The following COL19A1 variants were observed in gnomAD, a reference collection of about 807,000 sequenced individuals.
COL19A1 encodes collagen type XIX alpha 1 chain.
In COL19A1, 159 loss-of-function variants were observed where a neutral mutation model predicts 190.2. The ratio of observed to expected loss-of-function variants is 0.84; its 90% CI spans 0.73 to 0.95. The LOEUF (loss-of-function observed/expected upper bound fraction) is 0.95, where lower values mean the gene tolerates loss of function less well. COL19A1 is among the 40% of genes least tolerant of loss of function. The pLI is 0.00. For synonymous variants in COL19A1, 509 were observed against 458.9 expected, an observed-to-expected ratio of 1.11 and a Z score of -1.39; for missense variants, 1,418 against 1,431.9, an observed-to-expected ratio of 0.99 and a Z score of 0.16.
chr6:69,971,182 TATA>T (rs1325452399), intron 11 of COL19A1, among the ~76,000 whole-genome samples: 3 of 152,224 alleles, frequency 2.0e-5, no homozygotes, highest in Non-Finnish European at 2.9e-5. Context: ...TATAAAGGGC[TATA>T]ATATTTTATG....
chr6:69,913,191 C>A (rs1025350100), intron 4 of COL19A1, among the ~76,000 whole-genome samples: 9 of 152,096 alleles, frequency 5.9e-5, no homozygotes, highest in Non-Finnish European at 1.2e-4. Flanking sequence ...TGTAAAGTTT[C>A]TTTTGGTTAA....
At chr6:70,148,575 G>A (rs969826191) in intron 27 of COL19A1, among the ~76,000 whole-genome samples, 1 of 152,146 alleles carries the variant, frequency 6.6e-6, no homozygotes, top group Admixed American at 6.6e-5. Flanking sequence ...ATTTGCCAGG[G>A]CAAGAATGTA....
At chr6:69,920,596 T>A (rs529305148) in intron 4 of COL19A1, among the ~76,000 whole-genome samples, 1 of 152,288 alleles carries the variant, frequency 6.6e-6, no homozygotes, top group East Asian at 1.9e-4. Context: ...TTAGTTTGAC[T>A]GTATGATGTT....
At position 70,211,340 on chromosome 6, in the gene COL19A1, T is replaced by C. The variant is rs1768195906; in HGVS notation, c.*4066T>C. 6.6e-6 allele frequency among the ~76,000 whole-genome samples: 1 copy of C among 151,962 alleles called. No homozygotes were observed. Among genetic ancestry groups the C allele is most frequent in the Non-Finnish European group, 1.5e-5 (1 of 67,956 alleles). ...TGAATACTCAAAAAAGCTTTGCAGA[T>C]TTGTCCATTGCTCTTGTTCTTAAAT... On this transcript the variant is annotated 3_prime_UTR_variant, in exon 51 of 51. Coordinates refer to ENST00000620364, the MANE Select transcript of COL19A1 (RefSeq NM_001858.6).
intron 14 of COL19A1, among the ~76,000 whole-genome samples, chr6:70,045,087 C>T (rs151130472): frequency 0.022 from 3,381 of 151,914 alleles, 112 homozygotes; most frequent in African/African-American, 0.075. Context: ...CCGAGGTGGG[C>T]GGATCACCTG....
In COL19A1 at chr6:70,137,760, G is replaced by A. The variant is rs1785959317; in HGVS notation, c.1446+13G>A. 2.5e-6 allele frequency: 4 copies of A among 1,612,380 alleles called. No individual in the cohort carries two copies. In the South Asian group the frequency reaches 4.4e-5, roughly 18 times the overall value. ...AAAAGGAGAACCTGTAAGTATTTTA[G>A]CTTTGAGGACAGAGGAAGAATATCT... On this transcript the variant is annotated intron_variant, in intron 19 of 50. Coordinates refer to ENST00000620364, the MANE Select transcript of COL19A1 (RefSeq NM_001858.6).
intron 4 of COL19A1, among the ~76,000 whole-genome samples, chr6:69,918,220 T>A (rs1159482098): frequency 6.6e-6 from 1 of 152,166 alleles, no homozygotes; most frequent in East Asian, 1.9e-4. Flanking sequence ...GGGAGGGACC[T>A]GGTCTGATTT....
At chr6:69,956,758 G>T (rs144808603) in intron 9 of COL19A1, among the ~76,000 whole-genome samples, 2 of 152,062 alleles carry the variant, frequency 1.3e-5, no homozygotes, top group African/African-American at 4.8e-5. Flanking sequence ...TTCAACTTAA[G>T]TAAATTTTCT....
rs573126574 is a variant in COL19A1, at chr6:70,199,556, A to T, written c.3095-52A>T. 27 of 1,300,420 alleles carry T rather than the reference A, an allele frequency of 2.1e-5. 1 individual carries two copies. The South Asian group carries it at 5.1e-4, about 25-fold the overall frequency. The allele number at this position is 1,300,420 out of a possible 1,614,324, so 80.6% of individuals were successfully genotyped here. A position where few individuals can be genotyped will look rare whatever the true frequency, so the allele number is the denominator to read the frequency against. Reference sequence around the variant, plus strand: ...ATTTCATGTATTTTGAAATTTTTTGACATAAAATATTTCTGTTCTATGATA... The same window carrying T: ...ATTTCATGTATTTTGAAATTTTTTGTCATAAAATATTTCTGTTCTATGATA... On this transcript the variant is annotated intron_variant, in intron 48 of 50. Coordinates refer to ENST00000620364, the MANE Select transcript of COL19A1 (RefSeq NM_001858.6).
Position 70,207,154 on chromosome 6 carries a change from T to A in COL19A1, c.3309T>A (p.Gly1103=), listed in dbSNP as rs974258938. ...TTTTTTTTATGTCGTTAGCTCTGGGTTTGCCAGGCTCACCAGGTGCCCCAG... is the reference window on the plus strand; with the variant it reads ...TTTTTTTTATGTCGTTAGCTCTGGGATTGCCAGGCTCACCAGGTGCCCCAG... The part of the protein sequence containing the change: ...SPGLPGTSAL[G]LPGSPGAPGP... The change falls in exon 51 of 51, where the codon GGT becomes GGA. Residue 1103 remains glycine (G), a synonymous_variant. Coordinates refer to ENST00000620364, the MANE Select transcript of COL19A1 (RefSeq NM_001858.6). 2.5e-6 allele frequency: 4 copies of A among 1,613,096 alleles called. No homozygotes were observed. Among genetic ancestry groups the A allele is most frequent in the African/African-American group, 2.7e-5 (2 of 74,750 alleles).
chr6:70,115,825 G>GTTTTTTTTTTTTTTTTTTTTTTTTT (rs57814985), intron 16 of COL19A1, among the ~76,000 whole-genome samples: 1 of 117,202 alleles, frequency 8.5e-6, no homozygotes, highest in Admixed American at 9.2e-5. Context: ...TTGGTGTTTT[G>GTTTTTTTTTTTTTTTTTTTTTTTTT]TTTTTTTTTT....
intron 16 of COL19A1, among the ~76,000 whole-genome samples, chr6:70,120,581 A>G (rs1344815484): frequency 2.0e-5 from 3 of 152,208 alleles, no homozygotes; most frequent in Admixed American, 2.0e-4. Flanking sequence ...CATGAAAAAT[A>G]TATAATGCCA....
At chr6:69,869,003 G>A (rs894660868) in intron 1 of COL19A1, among the ~76,000 whole-genome samples, 1 of 150,082 alleles carries the variant, frequency 6.7e-6, no homozygotes, top group African/African-American at 2.5e-5. Context: ...TAGGGCTATA[G>A]ATATGCTAAT....
Position 70,208,879 on chromosome 6 carries a change from T to C in COL19A1, c.*1605T>C, listed in dbSNP as rs1768036405. On this transcript the variant is annotated 3_prime_UTR_variant, in exon 51 of 51. Coordinates refer to ENST00000620364, the MANE Select transcript of COL19A1 (RefSeq NM_001858.6). ...ATCCGTGATTTGAACCGGTTTTCAT[T>C]ATAGATTAATGAACTGCTGGTCAGG... 1 of 152,676 alleles carries C rather than the reference T, an allele frequency of 6.5e-6. No individual in the cohort carries two copies. The highest frequency in any genetic ancestry group is 2.4e-5 in the African/African-American group (1 of 41,460). 9.5% of individuals were successfully genotyped at this position (152,676 alleles called of 1,614,324 possible).
At chr6:69,962,086 G>T (rs1774833030) in intron 10 of COL19A1, among the ~76,000 whole-genome samples, 1 of 152,120 alleles carries the variant, frequency 6.6e-6, no homozygotes, top group Non-Finnish European at 1.5e-5. Context: ...TCACTTGCTA[G>T]CTATGTTGTC....
intron 15 of COL19A1, among the ~76,000 whole-genome samples, chr6:70,101,009 C>G (rs1288781553): frequency 6.6e-6 from 1 of 152,124 alleles, no homozygotes; most frequent in Non-Finnish European, 1.5e-5. Context: ...CACTTCAAGA[C>G]TAGATGAAAA....
At chr6:70,002,261 G>A (rs1777310906) in intron 11 of COL19A1, among the ~76,000 whole-genome samples, 1 of 152,160 alleles carries the variant, frequency 6.6e-6, no homozygotes, top group East Asian at 1.9e-4. Flanking sequence ...GCTGGATTCG[G>A]TTTGCCAGTA....
At chr6:70,129,119 T>C (rs958769606) in intron 17 of COL19A1, among the ~76,000 whole-genome samples, 1 of 152,208 alleles carries the variant, frequency 6.6e-6, no homozygotes, top group Admixed American at 6.5e-5. Flanking sequence ...AACAAGCCTG[T>C]CCAAAGTTGA....
Position 70,102,157 on chromosome 6 carries a change from T to C in COL19A1, c.1225-12T>C. ...TCACAGTATTTATCATCTATTCTTC[T>C]TTGGTTTCAAGGGAAGACGAGGGAA... On this transcript the variant is annotated splice_polypyrimidine_tract_variant and intron_variant, in intron 15 of 50. Coordinates refer to ENST00000620364, the MANE Select transcript of COL19A1 (RefSeq NM_001858.6). 1 of 1,610,384 alleles carries C rather than the reference T, an allele frequency of 6.2e-7. No homozygotes were observed. Among genetic ancestry groups the C allele is most frequent in the South Asian group, 1.1e-5 (1 of 90,990 alleles).
Sources: allele counts gnomAD v4.1 joint callset (sites outside exome capture counted in the v4.1 genomes callset), GRCh38; gene constraint gnomAD v4.1.1; transcripts MANE v1.5; gene names NCBI Gene and HGNC (gene_info 2026-07-23, HGNC 2026-07-21).